FBN1: variants seen among roughly 807,000 people sequenced by gnomAD.
FBN1 encodes fibrillin 1, also known as fibrillin-1.
Under a neutral mutation model 365.1 loss-of-function variants are expected in FBN1, and 29 were observed. That is an observed-to-expected ratio of 0.08 (90% CI 0.06 to 0.11). The LOEUF is 0.11. FBN1 is among the 10% of genes least tolerant of loss of function. FBN1 has a pLI of 1.00. For missense variants in FBN1, 2,476 were observed against 3,703.2 expected (o/e 0.67, Z 8.60); for synonymous variants, 1,210 against 1,270.5 (o/e 0.95, Z 1.01).
chr15:48,495,372 T>C (rs2043597786), intron 21 of FBN1, 97 bp downstream of exon 21: 1 of 1,591,280 alleles, frequency 6.3e-7, no homozygotes, highest in Non-Finnish European at 8.6e-7. Context: ...GTTTTTAATA[T>C]TGTTCATCCA....
At chr15:48,599,712 A>G (rs577946668) in intron 5 of FBN1, among the ~76,000 whole-genome samples, 3 of 152,202 alleles carry the variant, frequency 2.0e-5, no homozygotes, top group Non-Finnish European at 4.4e-5. Flanking sequence ...TGCAGATACC[A>G]CCAATCAAGA....
intron 2 of FBN1, among the ~76,000 whole-genome samples, chr15:48,626,036 T>C (rs928775716): frequency 1.3e-5 from 2 of 152,118 alleles, no homozygotes; most frequent in Non-Finnish European, 2.9e-5. Flanking sequence ...GATATGTTTA[T>C]AAGAAACTTT....
intron 2 of FBN1, among the ~76,000 whole-genome samples, chr15:48,616,701 A>G (rs1889660693): frequency 6.6e-6 from 1 of 152,174 alleles, no homozygotes; most frequent in Non-Finnish European, 1.5e-5. Context: ...TCACTTCATG[A>G]GCCATCCCCA....
intron 12 of FBN1, 79 bp downstream of exon 12, chr15:48,515,308 A>G: frequency 6.5e-7 from 1 of 1,541,694 alleles, no homozygotes; most frequent in Non-Finnish European, 9.0e-7. Context: ...AAGTTGTTAC[A>G]GCAGCAATAG....
chr15:48,643,338 C>T (rs1890233095), intron 2 of FBN1: 1 of 152,136 alleles, frequency 6.6e-6, no homozygotes, highest in Admixed American at 6.5e-5. Flanking sequence ...GTTTATTTTC[C>T]ACGAAGGCCA....
At position 48,468,464 on chromosome 15, in the gene FBN1, G is replaced by C. The variant is rs772526144; in HGVS notation, c.4530C>G (p.Ile1510Met). 6.2e-7 allele frequency: 1 copy of C among 1,614,132 alleles called. No individual in the cohort carries two copies. Among genetic ancestry groups the C allele is most frequent in the South Asian group, 1.1e-5 (1 of 91,082 alleles). ...GTTCAAAATCAGGTGGGCAGTCACAGATATAGCTGCCTGGAGTGTTGACAC... is the reference window on the plus strand; with the variant it reads ...GTTCAAAATCAGGTGGGCAGTCACACATATAGCTGCCTGGAGTGTTGACAC... ...GNCVNTPGSY[I>M]CDCPPDFELN... is the part of the protein sequence containing the mutation. The change falls in exon 37 of 66, where the codon ATC (isoleucine) becomes ATG (methionine). Residue 1510 changes from isoleucine to methionine, a missense_variant. Ile to Met is a conservative substitution (Grantham distance 10). Coordinates refer to ENST00000316623, the MANE Select transcript of FBN1 (RefSeq NM_000138.5).
chr15:48,452,451 C>A, intron 45 of FBN1, 111 bp downstream of exon 45: 3 of 1,307,662 alleles, frequency 2.3e-6, no homozygotes, highest in Non-Finnish European at 2.2e-6. Context: ...CAATCTAAAT[C>A]TTAACTCATA....
intron 2 of FBN1, among the ~76,000 whole-genome samples, chr15:48,617,705 C>A (rs1889684745): frequency 6.6e-6 from 1 of 152,142 alleles, no homozygotes; most frequent in South Asian, 2.1e-4. Flanking sequence ...TTAAACATAG[C>A]CCTCAGAGAG....
At chr15:48,600,585 T>A (rs923679006) in intron 4 of FBN1, among the ~76,000 whole-genome samples, 1 of 152,066 alleles carries the variant, frequency 6.6e-6, no homozygotes, top group African/African-American at 2.4e-5. Context: ...ATGCCTGTAA[T>A]CCCAGCCACT....
chr15:48,446,800 A>G lies in FBN1; in HGVS notation c.5694T>C (p.Asp1898=). The G allele has an allele frequency of 6.2e-7, 1 of 1,610,926 alleles. No individual in the cohort carries two copies. Among genetic ancestry groups the G allele is most frequent in the South Asian group, 1.1e-5 (1 of 91,024 alleles). Residue 1898 remains aspartate, a synonymous_variant, in exon 47 of 66, where the codon GAT becomes GAC. Coordinates refer to ENST00000316623, the MANE Select transcript of FBN1 (RefSeq NM_000138.5). The part of the protein sequence containing the change: ...MCLDINECER[D]ACGNGTCRNT... The stretch of plus-strand genomic sequence containing the variant: ...TCCGGCAAGTTCCATTCCCACAGGC[A>G]TCTCTTTCACATTCATTTATGTCTA...
At position 48,412,732 on chromosome 15, in the gene FBN1, G is replaced by A. The variant is rs1176094152; in HGVS notation, c.8063C>T (p.Ser2688Phe). ...GTTTCCTCGGCCCATGCCCATTCCA[G>A]AAACACAGTGCCTGCAGCAGAAGGG... ...YFRIGQGHCVSGMGMGRGNPE... is the reference protein window; with the variant it reads ...YFRIGQGHCVFGMGMGRGNPE... Residue 2688 changes from serine (S) to phenylalanine (F), a missense_variant, in exon 65 of 66, where the codon TCT (serine) becomes TTT (phenylalanine). Coordinates refer to ENST00000316623, the MANE Select transcript of FBN1 (RefSeq NM_000138.5). 1 of 1,614,102 alleles carries A rather than the reference G, an allele frequency of 6.2e-7. No individual in the cohort carries two copies. Among genetic ancestry groups the A allele is most frequent in the Non-Finnish European group, 8.5e-7 (1 of 1,180,044 alleles).
chr15:48,559,585 G>A (rs1262063502), intron 6 of FBN1, among the ~76,000 whole-genome samples: 1 of 152,154 alleles, frequency 6.6e-6, no homozygotes. Context: ...CCTCGCCTGT[G>A]TCTATGTGAA....
At chr15:48,616,634 TAATA>T (rs1566938925) in intron 2 of FBN1, among the ~76,000 whole-genome samples, 1 of 152,200 alleles carries the variant, frequency 6.6e-6, no homozygotes, top group Non-Finnish European at 1.5e-5. Flanking sequence ...GGTAAATCTT[TAATA>T]AAGTTACTCT....
chr15:48,551,997 T>C (rs1434683561), intron 6 of FBN1, among the ~76,000 whole-genome samples: 1 of 152,168 alleles, frequency 6.6e-6, no homozygotes, highest in Non-Finnish European at 1.5e-5. Flanking sequence ...ATATAATGAT[T>C]TATGTTCCTT....
At chr15:48,458,985 T>C (rs751491441) in intron 43 of FBN1, among the ~76,000 whole-genome samples, 5 of 152,268 alleles carry the variant, frequency 3.3e-5, no homozygotes, top group Non-Finnish European at 7.3e-5. Context: ...TGTGTTCTGG[T>C]CCCAGCTCTG....
intron 6 of FBN1, 68 bp from the exon 7 acceptor site, chr15:48,537,876 T>G: frequency 3.3e-6 from 5 of 1,493,784 alleles, no homozygotes; most frequent in Non-Finnish European, 3.7e-6. Flanking sequence ...GAGGAACAGC[T>G]GTGCTCCATC....
At chr15:48,550,994 G>GAATGA (rs35621040) in intron 6 of FBN1, among the ~76,000 whole-genome samples, 8,788 of 150,914 alleles carry the variant, frequency 0.058, 277 homozygotes, top group Non-Finnish European at 0.079. Context: ...TGAATGAATG[G>GAATGA]AGGATGCAAA....
At position 48,513,608 on chromosome 15, in the gene FBN1, G is replaced by A. The variant is rs776942896; in HGVS notation, c.1529C>T (p.Ser510Leu). Residue 510 changes from serine (S) to leucine (L), a missense_variant, in exon 13 of 66, where the codon TCG becomes TTG. Coordinates refer to ENST00000316623, the MANE Select transcript of FBN1 (RefSeq NM_000138.5). ...AGGECINNQGSYTCQCRAGYQ... is the reference protein window; with the variant it reads ...AGGECINNQGLYTCQCRAGYQ... ...TCCAGCTCGGCACTGACAGGTGTAC[G>A]AACCCTGGTTGTTAATACACTCACC... 4.3e-6 allele frequency: 7 copies of A among 1,613,962 alleles called. No homozygotes were observed. The highest frequency in any genetic ancestry group is 2.2e-5 in the East Asian group (1 of 44,862).
At chr15:48,537,090 C>T (rs746945945) in intron 7 of FBN1, among the ~76,000 whole-genome samples, 10 of 152,032 alleles carry the variant, frequency 6.6e-5, no homozygotes, top group South Asian at 2.1e-4. Flanking sequence ...AGCTAGCAGG[C>T]GACATCTGGG....
Sources: gnomAD v4.1 joint callset for allele counts (sites outside exome capture counted in the v4.1 genomes callset) on GRCh38, gnomAD v4.1.1 for gene constraint, MANE v1.5 for transcripts, NCBI Gene and HGNC (gene_info 2026-07-23, HGNC 2026-07-21) for gene names.